The following LYRM4 variants were observed in gnomAD, a reference collection of about 807,000 sequenced individuals.
The protein encoded by LYRM4 is LYR motif containing 4.
Under a neutral mutation model 11.7 loss-of-function variants are expected in LYRM4, and 9 were observed. That is an observed-to-expected ratio of 0.77 (90% CI 0.46 to 1.34). The LOEUF (loss-of-function observed/expected upper bound fraction) is 1.34. Ranked by LOEUF, LYRM4 falls within the 40% of genes most tolerant of loss-of-function variation. The probability of loss-of-function intolerance (pLI) is 0.00; values close to 1 mark genes in which losing one functional copy is unlikely to be tolerated. For missense variants in LYRM4, 133 were observed against 112.5 expected, an observed-to-expected ratio of 1.18 and a Z score of -0.82; for synonymous variants, 42 against 40.4, an observed-to-expected ratio of 1.04 and a Z score of -0.15.
downstream of LYRM4, among the ~76,000 whole-genome samples, chr6:5,101,760 T>C (rs186934823): frequency 1.2e-3 from 185 of 152,118 alleles, no homozygotes; most frequent in African/African-American, 4.0e-3. Context: ...ATCCAGTGAC[T>C]AGTTTCTTTT....
At chr6:5,034,371 T>C in the LYRM4 span, 1 of 152,256 alleles carries the variant, frequency 6.6e-6, no homozygotes, top group African/African-American at 2.4e-5. Flanking sequence ...GTTTGGATGT[T>C]TGTCCCATCC....
chr6:5,225,030 C>A (rs1042928574), intron 1 of LYRM4, among the ~76,000 whole-genome samples: 2 of 151,946 alleles, frequency 1.3e-5, no homozygotes, highest in African/African-American at 4.8e-5. Context: ...AGGCGGATCA[C>A]CTGAGGTCGG....
intron 2 of LYRM4, among the ~76,000 whole-genome samples, chr6:5,207,436 T>C (rs1054620867): frequency 2.0e-5 from 3 of 152,200 alleles, no homozygotes; most frequent in Non-Finnish European, 2.9e-5. Context: ...AACACAGAAA[T>C]ACAAATTAAC....
At chr6:5,225,457 A>C (rs1486356236) in intron 1 of LYRM4, among the ~76,000 whole-genome samples, 4 of 152,120 alleles carry the variant, frequency 2.6e-5, no homozygotes, top group African/African-American at 9.7e-5. Flanking sequence ...TTTCCTTCAC[A>C]AACGGTAGCA....
chr6:5,086,842 G>A, the LYRM4 span: 9 of 493,328 alleles, frequency 1.8e-5, no homozygotes, highest in Non-Finnish European at 3.2e-5. Context: ...GCCTGCGTCA[G>A]AATAGGAAGA....
At chr6:5,139,845 T>C (rs1191027386) in intron 2 of LYRM4, among the ~76,000 whole-genome samples, 1 of 147,388 alleles carries the variant, frequency 6.8e-6, no homozygotes, top group Non-Finnish European at 1.5e-5. Flanking sequence ...ACTTTTTTCT[T>C]TTTTTTTTTT....
intron 1 of LYRM4, among the ~76,000 whole-genome samples, chr6:5,235,304 G>A (rs995758669): frequency 7.2e-5 from 11 of 152,052 alleles, no homozygotes; most frequent in Non-Finnish European, 1.0e-4. Flanking sequence ...CACTGCGCCT[G>A]GCACACTGTA....
the LYRM4 span, among the ~76,000 whole-genome samples, chr6:5,076,448 T>C: frequency 6.6e-6 from 1 of 152,216 alleles, no homozygotes. Flanking sequence ...TCTTGAGCTC[T>C]TGGAGGCTCA....
chr6:5,239,989 C>T (rs1454633438), intron 1 of LYRM4, among the ~76,000 whole-genome samples: 2 of 152,166 alleles, frequency 1.3e-5, no homozygotes, highest in Admixed American at 6.5e-5. Context: ...TGCTGCCTGC[C>T]GCAGCCAATC....
intron 2 of LYRM4, among the ~76,000 whole-genome samples, chr6:5,193,586 G>A (rs1025780436): frequency 6.6e-6 from 1 of 152,220 alleles, no homozygotes; most frequent in Non-Finnish European, 1.5e-5. Flanking sequence ...GGAGAGTAAA[G>A]CAGACTGTCC....
At chr6:5,062,287 T>C in the LYRM4 span, among the ~76,000 whole-genome samples, 1 of 142,638 alleles carries the variant, frequency 7.0e-6, no homozygotes, top group African/African-American at 2.7e-5. Context: ...ATGTTGATAA[T>C]ATTTATAATA....
chr6:5,098,753 C>T (rs60246496), downstream of LYRM4, among the ~76,000 whole-genome samples: 2,240 of 152,260 alleles, frequency 0.015, 56 homozygotes, highest in African/African-American at 0.051. Context: ...AGTACCATGG[C>T]GGGCAGAACC....
At chr6:5,066,875 C>T in the LYRM4 span, 1 of 972,624 alleles carries the variant, frequency 1.0e-6, no homozygotes. Flanking sequence ...TCCTCGCCGG[C>T]AAGTGCTTTC....
At chr6:5,190,123 T>G (rs2127689818) in intron 2 of LYRM4, among the ~76,000 whole-genome samples, 1 of 152,338 alleles carries the variant, frequency 6.6e-6, no homozygotes, top group Non-Finnish European at 1.5e-5. Context: ...GAATCAGTTC[T>G]GAGTTGATTT....
In LYRM4 at chr6:5,141,763, G is replaced by A. The variant is rs941000508; in HGVS notation, c.208-32272C>T. 9.2e-5 allele frequency among the ~76,000 whole-genome samples: 14 copies of A among 152,194 alleles called. 1 individual carries two copies. Among genetic ancestry groups the A allele is most frequent in the Middle Eastern group, 3.4e-3 (1 of 294 alleles). ...TTTTACCCCCCCACCAAACTGAACCGTGACCCTCACTACCACTGAGGAATA... is the reference window on the plus strand; with the variant it reads ...TTTTACCCCCCCACCAAACTGAACCATGACCCTCACTACCACTGAGGAATA... On this transcript the variant is annotated intron_variant, in intron 2 of 2. Coordinates refer to ENST00000330636, the MANE Select transcript of LYRM4 (RefSeq NM_020408.6).
chr6:5,206,905 C>T (rs1761730373), intron 2 of LYRM4, among the ~76,000 whole-genome samples: 1 of 151,676 alleles, frequency 6.6e-6, no homozygotes, highest in Non-Finnish European at 1.5e-5. Context: ...GAAATCGCAG[C>T]TTCATTACCA....
chr6:5,033,434 C>G, the LYRM4 span: 3 of 152,420 alleles, frequency 2.0e-5, no homozygotes, highest in Non-Finnish European at 4.4e-5. Context: ...TGTGCCCCAG[C>G]CGGGGACCCC....
intron 2 of LYRM4, among the ~76,000 whole-genome samples, chr6:5,160,936 T>C (rs1368961611): frequency 2.6e-5 from 4 of 152,202 alleles, no homozygotes; most frequent in Non-Finnish European, 4.4e-5. Flanking sequence ...TTCTGTACCC[T>C]ATGTTAATAA....
At chr6:5,143,825 T>G (rs1757546376) in intron 2 of LYRM4, among the ~76,000 whole-genome samples, 1 of 152,200 alleles carries the variant, frequency 6.6e-6, no homozygotes, top group African/African-American at 2.4e-5. Context: ...GACAGAGGCC[T>G]TTGTGAGCCA....
Sources: allele counts gnomAD v4.1 joint callset (sites outside exome capture counted in the v4.1 genomes callset), GRCh38; gene constraint gnomAD v4.1.1; transcripts MANE v1.5; gene names NCBI Gene and HGNC (gene_info 2026-07-23, HGNC 2026-07-21).